The following CDH20 variants were observed in gnomAD, a reference collection of about 807,000 sequenced individuals.
CDH20 encodes cadherin 20, also known as cadherin-20.
In CDH20, 29 loss-of-function variants were observed where a neutral mutation model predicts 74.2. That is an observed-to-expected ratio of 0.39 (90% CI 0.29 to 0.53). CDH20 has a LOEUF of 0.53. Among genes scored for constraint, CDH20 ranks in the 20% least tolerant of loss-of-function variants. The probability of loss-of-function intolerance (pLI) is 0.69; values close to 1 mark genes in which losing one functional copy is unlikely to be tolerated. For synonymous variants in CDH20, 469 were observed against 405.4 expected, an observed-to-expected ratio of 1.16 and a Z score of -1.88; for missense variants, 988 against 1,048.3, an observed-to-expected ratio of 0.94 and a Z score of 0.79.
chr18:61,536,353 C>T (rs1912816832), intron 7 of CDH20, 140 bp from the exon 8 acceptor site: 5 of 612,022 alleles, frequency 8.2e-6, no homozygotes, highest in Admixed American at 2.6e-5. Context: ...CAAATAAAAC[C>T]ACGAATGCAG....
chr18:61,477,633 C>A (rs59277064), intron 1 of CDH20, among the ~76,000 whole-genome samples: 1,921 of 152,108 alleles, frequency 0.013, 45 homozygotes, highest in African/African-American at 0.044. Context: ...GCAAATATGG[C>A]TTACACTGAT....
At chr18:61,540,487 T>C (rs1041795640) in intron 9 of CDH20, among the ~76,000 whole-genome samples, 5 of 152,226 alleles carry the variant, frequency 3.3e-5, no homozygotes, top group Admixed American at 2.0e-4. Flanking sequence ...AGGCACATCT[T>C]ACATGGCAGC....
intron 1 of CDH20, among the ~76,000 whole-genome samples, chr18:61,476,252 C>A (rs148226297): frequency 6.6e-6 from 1 of 152,266 alleles, no homozygotes; most frequent in African/African-American, 2.4e-5. Flanking sequence ...CCAAAGTCAT[C>A]ACTCTGTGAC....
chr18:61,366,734 C>T (rs80244762), intron 1 of CDH20, among the ~76,000 whole-genome samples: 3,250 of 152,118 alleles, frequency 0.021, 125 homozygotes, highest in African/African-American at 0.073. Context: ...TCCCTCTTCC[C>T]TCACACACAT....
intron 1 of CDH20, among the ~76,000 whole-genome samples, chr18:61,432,255 A>C (rs9945722): frequency 6.6e-6 from 1 of 151,102 alleles, no homozygotes; most frequent in East Asian, 2.0e-4. Flanking sequence ...AAAAAAAAAA[A>C]AAAAAAAAAC....
Position 61,554,773 on chromosome 18 carries a change from C to A in CDH20, c.*78C>A. On this transcript the variant is annotated 3_prime_UTR_variant, in exon 12 of 12. Transcript: ENST00000262717. The stretch of plus-strand genomic sequence containing the variant: ...TTCGCGGACAAGGTGCAGCCAACCA[C>A]ACGAGCAATACTGTGCTGGAGAGTG... The A allele has an allele frequency of 6.8e-7, 1 of 1,473,602 alleles. No homozygotes were observed. Among genetic ancestry groups the A allele is most frequent in the Non-Finnish European group, 9.0e-7 (1 of 1,111,944 alleles). The allele number at this position is 1,473,602 out of a possible 1,614,324, so 91.3% of individuals were successfully genotyped here.
chr18:61,356,305 G>T (rs1230909722), intron 1 of CDH20, among the ~76,000 whole-genome samples: 2 of 152,136 alleles, frequency 1.3e-5, no homozygotes, highest in African/African-American at 4.8e-5. Context: ...CATTTTTAAA[G>T]CACTATACAG....
intron 1 of CDH20, chr18:61,334,178 G>C (rs1247201036): frequency 6.6e-6 from 1 of 152,196 alleles, no homozygotes; most frequent in African/African-American, 2.4e-5. Context: ...GGCTTGTGGG[G>C]GCGCTTGGCA....
At chr18:61,456,007 C>T (rs1909560178) in intron 1 of CDH20, among the ~76,000 whole-genome samples, 1 of 152,138 alleles carries the variant, frequency 6.6e-6, no homozygotes, top group Non-Finnish European at 1.5e-5. Context: ...AAATCCTGGA[C>T]CCCCTTCACT....
chr18:61,381,597 A>G (rs1911434604), intron 1 of CDH20, among the ~76,000 whole-genome samples: 1 of 152,208 alleles, frequency 6.6e-6, no homozygotes, highest in East Asian at 1.9e-4. Flanking sequence ...TTCACCAATC[A>G]TGTTCTATGG....
chr18:61,424,062 AAC>A (rs1479635862), intron 1 of CDH20, among the ~76,000 whole-genome samples: 1 of 152,214 alleles, frequency 6.6e-6, no homozygotes, highest in Non-Finnish European at 1.5e-5. Flanking sequence ...GAGTATATGC[AAC>A]AGTGTCTTCA....
chr18:61,512,329 T>G (rs1451972298), intron 6 of CDH20, among the ~76,000 whole-genome samples: 2 of 152,210 alleles, frequency 1.3e-5, no homozygotes, highest in African/African-American at 4.8e-5. Context: ...TCTGCATATC[T>G]TCCATCTTAC....
intron 1 of CDH20, among the ~76,000 whole-genome samples, chr18:61,421,271 T>C (rs1912869059): frequency 6.6e-6 from 1 of 152,148 alleles, no homozygotes; most frequent in African/African-American, 2.4e-5. Flanking sequence ...AGCAAAAATA[T>C]TGCAGCTAAT....
chr18:61,439,332 C>T (rs1568139639), intron 1 of CDH20, among the ~76,000 whole-genome samples: 1 of 152,010 alleles, frequency 6.6e-6, no homozygotes, highest in African/African-American at 2.4e-5. Flanking sequence ...AGTATATATT[C>T]ATTTTTAACA....
intron 1 of CDH20, among the ~76,000 whole-genome samples, chr18:61,453,326 A>G (rs182510032): frequency 1.5e-3 from 230 of 152,264 alleles, no homozygotes; most frequent in Non-Finnish European, 2.4e-3. Context: ...CACCCAGGCT[A>G]GAGTGCAGTG....
At chr18:61,442,019 CT>C (rs1909048655) in intron 1 of CDH20, among the ~76,000 whole-genome samples, 1 of 152,090 alleles carries the variant, frequency 6.6e-6, no homozygotes. Flanking sequence ...CCCACAAAAT[CT>C]TTTAGTATTT....
intron 1 of CDH20, among the ~76,000 whole-genome samples, chr18:61,454,291 C>A (rs188380385): frequency 6.6e-6 from 1 of 152,058 alleles, no homozygotes; most frequent in Non-Finnish European, 1.5e-5. Flanking sequence ...CAAAACTCCA[C>A]CTTAACACAG....
At chr18:61,547,132 C>A (rs1427876546) in intron 10 of CDH20, among the ~76,000 whole-genome samples, 4 of 152,136 alleles carry the variant, frequency 2.6e-5, no homozygotes, top group Admixed American at 6.5e-5. Flanking sequence ...AGTTTGAGAT[C>A]AGCCTGAGCA....
At position 61,366,016 on chromosome 18, in the gene CDH20, C is replaced by T. The variant is rs188992450; in HGVS notation, c.-153+32189C>T. Among the ~76,000 whole-genome samples the T allele has an allele frequency of 7.4e-4, 112 of 152,248 alleles. 1 individual carries two copies. The Middle Eastern group carries it at 0.027, about 37-fold the overall frequency. The stretch of plus-strand genomic sequence containing the variant: ...AAAGAACACGACTTGCAACATTGCA[C>T]GTTTTAAGCCTCTTACAGTTTTCAT... On this transcript the variant is annotated intron_variant, in intron 1 of 11. Coordinates refer to ENST00000262717, the MANE Select transcript of CDH20 (RefSeq NM_031891.4).
Sources: gnomAD v4.1 joint callset for allele counts (sites outside exome capture counted in the v4.1 genomes callset) on GRCh38, gnomAD v4.1.1 for gene constraint, MANE v1.5 for transcripts, NCBI Gene and HGNC (gene_info 2026-07-23, HGNC 2026-07-21) for gene names.